Variants in POLA1 observed in about 807,000 individuals in gnomAD.
POLA1 encodes DNA polymerase alpha 1, catalytic subunit, also known as DNA polymerase alpha catalytic subunit.
Under a neutral mutation model 124.0 loss-of-function variants are expected in POLA1, and 15 were observed. The ratio of observed to expected loss-of-function variants is 0.12; its 90% CI spans 0.08 to 0.19. The LOEUF (loss-of-function observed/expected upper bound fraction) is 0.19, where lower values mean the gene tolerates loss of function less well. POLA1 is among the 10% of genes least tolerant of loss of function. The pLI is 1.00. For synonymous variants in POLA1, 408 were observed against 389.4 expected (o/e 1.05, Z -0.56); for missense variants, 886 against 1,103.4 (o/e 0.80, Z 2.79).
chrX:24,758,042 T>C (rs139658067), intron 26 of POLA1, among the ~76,000 whole-genome samples: 1 of 111,372 alleles, frequency 9.0e-6, no homozygotes, highest in East Asian at 2.8e-4. Flanking sequence ...GAAAGTAATG[T>C]TGGTACTTTC....
intron 25 of POLA1, among the ~76,000 whole-genome samples, 183 bp from the exon 26 acceptor site, chrX:24,748,687 A>G (rs1932156327): frequency 8.9e-6 from 1 of 112,400 alleles, no homozygotes; most frequent in Non-Finnish European, 1.9e-5. Flanking sequence ...GTCTGTGTTT[A>G]CTTGCTGCTT....
chrX:24,985,354 T>C (rs2048469748), intron 36 of POLA1, among the ~76,000 whole-genome samples: 1 of 113,057 alleles, frequency 8.8e-6, no homozygotes, highest in South Asian at 3.6e-4. Flanking sequence ...AGCCGAGATT[T>C]GGCCTTCAGG....
chrX:24,730,197 C>T (rs1930812765), intron 15 of POLA1, among the ~76,000 whole-genome samples: 1 of 111,600 alleles, frequency 9.0e-6, no homozygotes, highest in African/African-American at 3.3e-5. Context: ...AAGTATCCAC[C>T]TCTAGTGTCC....
intron 35 of POLA1, among the ~76,000 whole-genome samples, chrX:24,916,256 C>A (rs910777221): frequency 5.5e-5 from 6 of 109,010 alleles, no homozygotes; most frequent in Admixed American, 2.0e-4. Context: ...AAGCCTATTA[C>A]AAGAACCTGA....
chrX:24,922,245 A>ATT (rs11289063), intron 35 of POLA1, among the ~76,000 whole-genome samples: 1 of 97,777 alleles, frequency 1.0e-5, no homozygotes, highest in Non-Finnish European at 2.0e-5. Context: ...CAACTAGTTT[A>ATT]TTTTTTTTTT....
intron 26 of POLA1, among the ~76,000 whole-genome samples, chrX:24,765,292 G>GT (rs1299765675): frequency 0.018 from 1,675 of 91,898 alleles, 30 homozygotes; most frequent in African/African-American, 0.055. Flanking sequence ...TGTTTTTTTT[G>GT]TTTTTTTTTT....
At chrX:24,846,619 C>T (rs1324304604) in intron 34 of POLA1, among the ~76,000 whole-genome samples, 1 of 111,506 alleles carries the variant, frequency 9.0e-6, no homozygotes, top group African/African-American at 3.3e-5. Flanking sequence ...ATGTGTTCCC[C>T]CTCCCCTTAA....
At chrX:24,858,842 T>C (rs1194374812) in intron 34 of POLA1, among the ~76,000 whole-genome samples, 3 of 112,468 alleles carry the variant, frequency 2.7e-5, no homozygotes, top group Non-Finnish European at 5.6e-5. Context: ...ACCAAAAGTA[T>C]TTAAAGTGCC....
intron 26 of POLA1, among the ~76,000 whole-genome samples, chrX:24,773,420 A>G (rs1040679989): frequency 6.3e-5 from 7 of 111,892 alleles, no homozygotes; most frequent in South Asian, 3.7e-4. Context: ...AAGGATGGCT[A>G]TAAGTTCTTC....
intron 34 of POLA1, among the ~76,000 whole-genome samples, chrX:24,859,342 T>C (rs766515471): frequency 3.6e-5 from 4 of 111,716 alleles, no homozygotes; most frequent in Admixed American, 9.5e-5. Context: ...CAGTATCCCT[T>C]GCAGACCATC....
At chrX:24,909,039 A>G (rs2047407324) in intron 35 of POLA1, among the ~76,000 whole-genome samples, 1 of 112,014 alleles carries the variant, frequency 8.9e-6, no homozygotes, top group Non-Finnish European at 1.9e-5. Flanking sequence ...TCTTATTTTG[A>G]GAATTGTCTG....
chrX:24,743,827 C>T (rs1931825093), intron 23 of POLA1, among the ~76,000 whole-genome samples: 1 of 111,878 alleles, frequency 8.9e-6, no homozygotes, highest in Non-Finnish European at 1.9e-5. Context: ...ATATCTTTTT[C>T]CCTATTGTCA....
In POLA1 at chrX:24,717,725, T is replaced by C; in HGVS notation, c.1054T>C (p.Leu352=). ...GGAACAAGTATTCCACTTTTATTGG[T>C]TGGATGCTTATGAGGATCAGTACAA... ...DEEQVFHFYW[L]DAYEDQYNQP... The change falls in exon 10 of 37, where the codon TTG becomes CTG. Residue 352 remains leucine, a synonymous_variant. Transcript: ENST00000379068. 2.5e-6 allele frequency: 3 copies of C among 1,207,514 alleles called. No homozygotes were observed. The highest frequency in any genetic ancestry group is 1.8e-5 in the South Asian group (1 of 56,162).
chrX:24,870,212 T>C (rs2046846720), intron 34 of POLA1, among the ~76,000 whole-genome samples: 1 of 111,866 alleles, frequency 8.9e-6, no homozygotes, highest in Admixed American at 9.5e-5. Flanking sequence ...ACATTGTAAA[T>C]GTAGCAATAG....
chrX:24,971,931 G>GATTTT (rs61464840), intron 36 of POLA1, among the ~76,000 whole-genome samples: 13,429 of 86,724 alleles, frequency 0.15, 1,306 homozygotes, highest in African/African-American at 0.24. Flanking sequence ...GGATGTGGAA[G>GATTTT]ATTTTATTTT....
chrX:24,849,928 C>A (rs147215716), intron 34 of POLA1, among the ~76,000 whole-genome samples: 15 of 111,447 alleles, frequency 1.3e-4, no homozygotes, highest in African/African-American at 4.9e-4. Context: ...CCACACCCGG[C>A]CAGCTAATTT....
chrX:24,755,110 G>A (rs1932531853), intron 26 of POLA1, among the ~76,000 whole-genome samples: 1 of 112,173 alleles, frequency 8.9e-6, no homozygotes, highest in African/African-American at 3.2e-5. Context: ...TTATTGATAA[G>A]AGCAGCCATT....
intron 2 of POLA1, among the ~76,000 whole-genome samples, chrX:24,702,243 A>G (rs976810977): frequency 9.3e-6 from 1 of 107,994 alleles, no homozygotes; most frequent in African/African-American, 3.4e-5. Context: ...TAATTTTTGT[A>G]TTTTTAGTAG....
At chrX:24,711,603 A>C (rs750652486) in intron 4 of POLA1, among the ~76,000 whole-genome samples, 1 of 105,959 alleles carries the variant, frequency 9.4e-6, no homozygotes, top group African/African-American at 3.4e-5. Flanking sequence ...CTACGCATAA[A>C]TTTTTTTTTT....
Sources: allele counts gnomAD v4.1 joint callset (sites outside exome capture counted in the v4.1 genomes callset), GRCh38; gene constraint gnomAD v4.1.1; transcripts MANE v1.5; gene names NCBI Gene and HGNC (gene_info 2026-07-23, HGNC 2026-07-21).